ABCA5: variants seen among roughly 807,000 people sequenced by gnomAD.
ABCA5 encodes ATP binding cassette subfamily A member 5.
A neutral mutation model predicts 206.0 loss-of-function variants in ABCA5; 163 were observed. The observed-to-expected ratio is 0.79, with a 90% CI of 0.70 to 0.90. The LOEUF is 0.90. Ranked by LOEUF, ABCA5 falls within the 40% of genes least tolerant of loss-of-function variation. The probability of loss-of-function intolerance (pLI) is 0.00; values close to 1 mark genes in which losing one functional copy is unlikely to be tolerated. For missense variants in ABCA5, 1,859 were observed against 1,912.9 expected, an observed-to-expected ratio of 0.97 and a Z score of 0.53; for synonymous variants, 609 against 613.8, an observed-to-expected ratio of 0.99 and a Z score of 0.11.
intron 18 of ABCA5, among the ~76,000 whole-genome samples, chr17:69,280,187 G>GA (rs1472834163): frequency 1.0e-3 from 154 of 151,756 alleles, no homozygotes; most frequent in African/African-American, 3.4e-3. Context: ...AAATTTACAA[G>GA]AAAAAAACAA....
chr17:69,316,680 G>C (rs2075819846), intron 1 of ABCA5, among the ~76,000 whole-genome samples: 1 of 151,212 alleles, frequency 6.6e-6, no homozygotes, highest in Admixed American at 6.6e-5. Context: ...AAGAAAGTTG[G>C]TGAAGCCCAG....
rs1172313317 is a variant in ABCA5, at chr17:69,261,337, A to AT, written c.3430-79dup. The AT allele has an allele frequency of 2.3e-6, 3 of 1,302,898 alleles. No individual in the cohort carries two copies. The African/African-American group carries it at 4.5e-5, about 20-fold the overall frequency. 80.7% of individuals were successfully genotyped at this position (1,302,898 alleles called of 1,614,324 possible). Reference sequence around the variant, plus strand: ...CAAATTGGTGTCTACGCATTAAACTATTTTTTCAATCCTCTAATAAAACAT... The same window carrying AT: ...CAAATTGGTGTCTACGCATTAAACTATTTTTTTCAATCCTCTAATAAAACAT... On this transcript the variant is annotated intron_variant, in intron 25 of 38. Transcript: ENST00000392676.
intron 35 of ABCA5, chr17:69,251,525 A>C: frequency 1.8e-6 from 1 of 541,718 alleles, no homozygotes; most frequent in Non-Finnish European, 3.0e-6. Context: ...CCTAAAAATA[A>C]TATTCCAAGT....
At chr17:69,301,996 A>C (rs2075657417) in intron 8 of ABCA5, among the ~76,000 whole-genome samples, 1 of 152,188 alleles carries the variant, frequency 6.6e-6, no homozygotes, top group Non-Finnish European at 1.5e-5. Flanking sequence ...AACTCTCAAA[A>C]TGTATAACAA....
In ABCA5 at chr17:69,261,729, T is replaced by C. The variant is rs1435986296; in HGVS notation, c.3335A>G (p.Tyr1112Cys). ...AGTGAACAGAATAACTGATGGAACA[T>C]AACCAATAAGGCAAAAAACCTGTAA... is the stretch of plus-strand genomic sequence containing the variant. ...FLAVVFCLIGYVPSVILFTYI... is the reference protein window; with the variant it reads ...FLAVVFCLIGCVPSVILFTYI... Residue 1112 changes from tyrosine (Y) to cysteine (C), a missense_variant, in exon 25 of 39, where the codon TAT becomes TGT. Coordinates refer to ENST00000392676, the MANE Select transcript of ABCA5 (RefSeq NM_172232.4). The C allele has an allele frequency of 2.0e-6, 3 of 1,477,098 alleles. No homozygotes were observed. The highest frequency in any genetic ancestry group is 1.4e-5 in the South Asian group (1 of 73,728). The allele number at this position is 1,477,098 out of a possible 1,614,324, so 91.5% of individuals were successfully genotyped here.
intron 23 of ABCA5, 43 bp from the exon 24 acceptor site, chr17:69,264,948 T>C (rs1211189049): frequency 7.8e-7 from 1 of 1,289,266 alleles, no homozygotes; most frequent in South Asian, 2.1e-5. Context: ...TTAGACACTT[T>C]AGAAACACAC....
intron 33 of ABCA5, 33 bp downstream of exon 33, chr17:69,253,761 A>G: frequency 2.5e-5 from 40 of 1,593,118 alleles, no homozygotes; most frequent in Non-Finnish European, 3.3e-5. Flanking sequence ...ATCAATAAAA[A>G]TACAGGCATT....
chr17:69,258,963 G>T (rs144358213), intron 28 of ABCA5, among the ~76,000 whole-genome samples: 2 of 152,060 alleles, frequency 1.3e-5, no homozygotes, highest in East Asian at 3.9e-4. Context: ...AACAAGCATT[G>T]GCAAGGATGT....
At chr17:69,294,067 G>T (rs1598186185) in intron 11 of ABCA5, among the ~76,000 whole-genome samples, 1 of 152,122 alleles carries the variant, frequency 6.6e-6, no homozygotes. Context: ...TAACTAACAT[G>T]TATTGCATAT....
intron 28 of ABCA5, among the ~76,000 whole-genome samples, chr17:69,259,265 T>G (rs182506285): frequency 1.3e-5 from 2 of 152,200 alleles, no homozygotes; most frequent in Admixed American, 6.5e-5. Flanking sequence ...AACATTATAC[T>G]AAGTGTAAAA....
At chr17:69,253,466 T>C (rs2075039243) in intron 34 of ABCA5, 107 bp downstream of exon 34, 1 of 640,972 alleles carries the variant, frequency 1.6e-6, no homozygotes, top group Non-Finnish European at 2.6e-6. Context: ...ATCGTTTGAA[T>C]AGGATTTAAA....
rs766854944 is a variant in ABCA5, at chr17:69,289,288, C to T, written c.1791G>A (p.Lys597=). ...PANNIIQEVQ[K]VLLDLDMQTI... ...TCTGCATGTCTAAATCTAGTAAAAC[C>T]TTCTGCACCTGTAAAAGTAAAGCAT... Residue 597 remains lysine, a synonymous_variant, in exon 14 of 39, where the codon AAG becomes AAA. Transcript: ENST00000392676. The T allele has an allele frequency of 1.9e-6, 3 of 1,570,722 alleles. No individual in the cohort carries two copies. The highest frequency in any genetic ancestry group is 2.3e-5 in the East Asian group (1 of 42,742).
chr17:69,280,975 A>G (rs1017835522), intron 18 of ABCA5, among the ~76,000 whole-genome samples: 3 of 152,056 alleles, frequency 2.0e-5, no homozygotes, highest in Non-Finnish European at 4.4e-5. Flanking sequence ...TGGCACATGT[A>G]TATGTATGTA....
At chr17:69,264,019 T>C (rs1056406904) in intron 24 of ABCA5, among the ~76,000 whole-genome samples, 1 of 152,164 alleles carries the variant, frequency 6.6e-6, no homozygotes, top group Admixed American at 6.5e-5. Context: ...TTTAGCCATC[T>C]GGGTACTTTT....
chr17:69,314,141 TTAAG>T (rs1309145345), intron 2 of ABCA5, among the ~76,000 whole-genome samples, 169 bp downstream of exon 2: 1 of 152,174 alleles, frequency 6.6e-6, no homozygotes, highest in African/African-American at 2.4e-5. Flanking sequence ...TTAGAAAGCA[TTAAG>T]TAATTCAGTT....
intron 37 of ABCA5, 88 bp from the exon 38 acceptor site, chr17:69,248,405 A>C: frequency 2.8e-6 from 2 of 715,610 alleles, no homozygotes; most frequent in African/African-American, 1.8e-5. Flanking sequence ...GTTTTAAAAT[A>C]TCTCTGTAAT....
chr17:69,256,237 C>A lies in ABCA5; in HGVS notation c.3778G>T (p.Asp1260Tyr), dbSNP rs142334264. 7 of 1,609,020 alleles carry A rather than the reference C, an allele frequency of 4.4e-6. No homozygotes were observed. The East Asian group carries it at 1.1e-4, about 26-fold the overall frequency. The change falls in exon 29 of 39, where the codon GAC (aspartate) becomes TAC (tyrosine). Residue 1260 changes from aspartate (D) to tyrosine (Y), a missense_variant. Asp to Tyr is a radical substitution (Grantham distance 160, BLOSUM62 -3). Transcript: ENST00000392676. Reference protein sequence around the residue: ...SKNRKLPEPPDNEDEDEDVKA... With the variant: ...SKNRKLPEPPYNEDEDEDVKA... ...ACATCTTCATCTTCATCCTCATTGTCTGGTGGTTCTGGAAGCTTCCTATTT... is the reference window on the plus strand; with the variant it reads ...ACATCTTCATCTTCATCCTCATTGTATGGTGGTTCTGGAAGCTTCCTATTT...
At chr17:69,312,773 T>C (rs941792101) in intron 3 of ABCA5, among the ~76,000 whole-genome samples, 1 of 152,118 alleles carries the variant, frequency 6.6e-6, no homozygotes, top group African/African-American at 2.4e-5. Context: ...TTCATAATTA[T>C]ATGAAAGTCA....
intron 14 of ABCA5, 90 bp downstream of exon 14, chr17:69,289,087 T>A: frequency 7.7e-7 from 1 of 1,300,244 alleles, no homozygotes; most frequent in African/African-American, 1.5e-5. Context: ...ACACTTAACC[T>A]TTACATAATG....
Sources: allele counts gnomAD v4.1 joint callset (sites outside exome capture counted in the v4.1 genomes callset), GRCh38; gene constraint gnomAD v4.1.1; transcripts MANE v1.5; gene names NCBI Gene and HGNC (gene_info 2026-07-23, HGNC 2026-07-21).